NELL1: variants seen among roughly 807,000 people sequenced by gnomAD.
NELL1 encodes neural EGFL like 1.
Under a neutral mutation model 107.4 loss-of-function variants are expected in NELL1, and 76 were observed. The observed-to-expected ratio is 0.71, with a 90% confidence interval of 0.59 to 0.86. The LOEUF (loss-of-function observed/expected upper bound fraction) is 0.86, where lower values mean the gene tolerates loss of function less well. NELL1 is among the 40% of genes least tolerant of loss of function. The probability of loss-of-function intolerance (pLI) is 0.00; values close to 1 mark genes in which losing one functional copy is unlikely to be tolerated. For missense variants in NELL1, 1,024 were observed against 1,005.5 expected (o/e 1.02, Z -0.25); for synonymous variants, 353 against 341.2 (o/e 1.03, Z -0.38).
chr11:21,386,814 C>T (rs7110352), intron 15 of NELL1, among the ~76,000 whole-genome samples: 5,708 of 151,912 alleles, frequency 0.038, 190 homozygotes, highest in African/African-American at 0.091. Flanking sequence ...ATATATTTTT[C>T]CCAGTGTCTT....
chr11:20,710,299 T>C (rs1422797992), intron 2 of NELL1, among the ~76,000 whole-genome samples: 3 of 152,220 alleles, frequency 2.0e-5, no homozygotes, highest in Non-Finnish European at 4.4e-5. Flanking sequence ...TCTGCATGTA[T>C]TCAGATGATC....
At chr11:20,909,384 C>G (rs901616156) in intron 5 of NELL1, among the ~76,000 whole-genome samples, 1 of 152,062 alleles carries the variant, frequency 6.6e-6, no homozygotes, top group Non-Finnish European at 1.5e-5. Flanking sequence ...TTCAGTGGAC[C>G]TAGGTTGGGA....
chr11:21,500,021 G>T (rs1267195771), intron 15 of NELL1, among the ~76,000 whole-genome samples: 1 of 152,110 alleles, frequency 6.6e-6, no homozygotes. Flanking sequence ...GAAAGAGGCA[G>T]TAAAAAGGAT....
chr11:21,251,548 C>T (rs1209051180), intron 14 of NELL1, among the ~76,000 whole-genome samples: 1 of 151,954 alleles, frequency 6.6e-6, no homozygotes, highest in Non-Finnish European at 1.5e-5. Context: ...CCCACCTCCA[C>T]CCGCCATCAA....
intron 12 of NELL1, among the ~76,000 whole-genome samples, chr11:21,047,258 A>G (rs1257390207): frequency 6.6e-6 from 1 of 152,150 alleles, no homozygotes; most frequent in Non-Finnish European, 1.5e-5. Context: ...CAGTTGCTAT[A>G]TATGTTTGTC....
intron 14 of NELL1, among the ~76,000 whole-genome samples, chr11:21,326,049 G>GT (rs35690119): frequency 0.027 from 987 of 36,254 alleles, 111 homozygotes; most frequent in Middle Eastern, 0.048. Flanking sequence ...GTTAATCCTA[G>GT]TTTTTTTTTT....
In NELL1 at chr11:20,669,685, G is replaced by A. The variant is rs540509096; in HGVS notation, c.-39G>A. On this transcript the variant is annotated 5_prime_UTR_variant, in exon 1 of 20. Transcript: ENST00000357134. The surrounding 1 kb of genome is among the most constrained non-coding windows in gnomAD (Gnocchi z 4.4). ...ATCCAGGCTCATTTGCTTCCACCTA[G>A]CTTCGGTGCCCCCTGCTAGGCGGGG... is the stretch of plus-strand genomic sequence containing the variant. 1 of 1,587,978 alleles carries A rather than the reference G, an allele frequency of 6.3e-7. No individual in the cohort carries two copies. Among genetic ancestry groups the A allele is most frequent in the Non-Finnish European group, 8.6e-7 (1 of 1,156,964 alleles).
chr11:20,928,457 C>T lies in NELL1; in HGVS notation c.975C>T (p.Gly325=). The T allele has an allele frequency of 6.2e-7, 1 of 1,613,868 alleles. No homozygotes were observed. Among genetic ancestry groups the T allele is most frequent in the Non-Finnish European group, 8.5e-7 (1 of 1,179,832 alleles). The change falls in exon 9 of 20, where the codon GGC becomes GGT. Residue 325 remains glycine, a synonymous_variant. Coordinates refer to ENST00000357134, the MANE Select transcript of NELL1 (RefSeq NM_006157.5). ...SPDSLPVHIA[G]QCCKVCRPKC... ...ACTCCCTCCCAGTGCACATTGCTGGCCAGTGCTGTAAGGTCTGCCGACGTA... is the reference window on the plus strand; with the variant it reads ...ACTCCCTCCCAGTGCACATTGCTGGTCAGTGCTGTAAGGTCTGCCGACGTA...
intron 13 of NELL1, chr11:21,170,224 T>C: frequency 2.2e-6 from 1 of 456,770 alleles, no homozygotes; most frequent in Non-Finnish European, 4.0e-6. Flanking sequence ...GTTGGGAAAA[T>C]TTCTTGTCCT....
chr11:21,538,844 A>T (rs114351140), intron 16 of NELL1, among the ~76,000 whole-genome samples: 1,814 of 152,302 alleles, frequency 0.012, 44 homozygotes, highest in African/African-American at 0.041. Context: ...AATGTCAATC[A>T]GTTTCCACAA....
At chr11:21,306,883 T>A (rs1442423861) in intron 14 of NELL1, among the ~76,000 whole-genome samples, 1 of 152,070 alleles carries the variant, frequency 6.6e-6, no homozygotes, top group Admixed American at 6.6e-5. Flanking sequence ...TAATAACATT[T>A]AAGATGCAAT....
At chr11:20,682,626 C>T (rs1854216855) in intron 2 of NELL1, among the ~76,000 whole-genome samples, 1 of 151,950 alleles carries the variant, frequency 6.6e-6, no homozygotes, top group Non-Finnish European at 1.5e-5. Flanking sequence ...TCAAAATATA[C>T]AACTTGGTAA....
At chr11:21,206,017 G>T (rs141409079) in intron 13 of NELL1, among the ~76,000 whole-genome samples, 2 of 151,902 alleles carry the variant, frequency 1.3e-5, no homozygotes, top group East Asian at 3.9e-4. Flanking sequence ...CTGTCCTCTC[G>T]GTACTTTATG....
intron 15 of NELL1, among the ~76,000 whole-genome samples, chr11:21,416,697 G>A (rs946344735): frequency 6.6e-6 from 1 of 151,982 alleles, no homozygotes; most frequent in African/African-American, 2.4e-5. Context: ...CAGCAATTGG[G>A]TCTTCAGAAT....
chr11:21,228,984 G>A (rs1332464739), intron 13 of NELL1, among the ~76,000 whole-genome samples: 4 of 151,906 alleles, frequency 2.6e-5, no homozygotes, highest in South Asian at 4.2e-4. Context: ...ATGTTTGCAG[G>A]ATGAGGCAGT....
intron 14 of NELL1, among the ~76,000 whole-genome samples, chr11:21,276,156 C>T (rs1171374864): frequency 6.6e-5 from 10 of 152,162 alleles, no homozygotes; most frequent in East Asian, 1.9e-4. Flanking sequence ...AAAACCCCAT[C>T]GTCTCAACCC....
rs986560571 is a variant in NELL1 at position 21,370,894 on chromosome 11, G to A, written c.1591G>A (p.Ala531Thr). The A allele has an allele frequency of 6.2e-7, 1 of 1,611,574 alleles. No individual in the cohort carries two copies. The highest frequency in any genetic ancestry group is 1.3e-5 in the African/African-American group (1 of 74,802). Residue 531 changes from alanine to threonine, a missense_variant, in exon 15 of 20, where the codon GCT becomes ACT. Coordinates refer to ENST00000357134, the MANE Select transcript of NELL1 (RefSeq NM_006157.5). ...EGCRYGGTCVAPNKCVCPSGF... is the reference protein window; with the variant it reads ...EGCRYGGTCVTPNKCVCPSGF... ...CTGCAGATACGGTGGAACGTGTGTGGCTCCCAACAAATGTGTCTGTCCATC... is the reference window on the plus strand; with the variant it reads ...CTGCAGATACGGTGGAACGTGTGTGACTCCCAACAAATGTGTCTGTCCATC...
chr11:21,449,196 C>T (rs1490505394), intron 15 of NELL1, among the ~76,000 whole-genome samples: 2 of 152,118 alleles, frequency 1.3e-5, no homozygotes, highest in Admixed American at 1.3e-4. Flanking sequence ...GTTCCATTTC[C>T]TCCTTATCTA....
intron 5 of NELL1, among the ~76,000 whole-genome samples, chr11:20,889,933 T>G (rs1022564553): frequency 1.3e-5 from 2 of 152,162 alleles, no homozygotes; most frequent in Non-Finnish European, 2.9e-5. Context: ...TCTTGGTAAT[T>G]CTGAAGAATC....
Sources: allele counts gnomAD v4.1 joint callset (sites outside exome capture counted in the v4.1 genomes callset), GRCh38; gene constraint gnomAD v4.1.1; non-coding constraint Gnocchi (gnomAD v3.1); transcripts MANE v1.5; gene names NCBI Gene and HGNC (gene_info 2026-07-23, HGNC 2026-07-21).